XKR6: variants seen among roughly 807,000 people sequenced by gnomAD.
XKR6 encodes XK-related protein 6.
XKR6 carries 22 observed loss-of-function variants against 56.7 expected under a neutral mutation model. The observed-to-expected ratio is 0.39, with a 90% CI of 0.28 to 0.55. The LOEUF (loss-of-function observed/expected upper bound fraction) is 0.55. Among genes scored for constraint, XKR6 ranks in the 20% least tolerant of loss-of-function variants. The pLI is 0.66. For missense variants in XKR6, 852 were observed against 889.0 expected, an observed-to-expected ratio of 0.96 and a Z score of 0.53; for synonymous variants, 524 against 387.8, an observed-to-expected ratio of 1.35 and a Z score of -4.13.
At chr8:11,123,545 C>T (rs771831310) in intron 1 of XKR6, 1 of 262,440 alleles carries the variant, frequency 3.8e-6, no homozygotes, top group Non-Finnish European at 7.5e-6. Flanking sequence ...ACAATATCAT[C>T]ACCAACCTCA....
chr8:10,997,823 G>A (rs550246408), intron 1 of XKR6, among the ~76,000 whole-genome samples: 41 of 152,254 alleles, frequency 2.7e-4, no homozygotes, highest in Admixed American at 5.9e-4. Flanking sequence ...CACAAGCAGC[G>A]CTGCCTGGAA....
chr8:11,021,571 C>T (rs1032830847), intron 1 of XKR6, among the ~76,000 whole-genome samples: 7 of 152,128 alleles, frequency 4.6e-5, no homozygotes, highest in African/African-American at 1.7e-4. Context: ...ACAGACCCAG[C>T]TCAGAGAGCA....
chr8:11,114,865 G>A (rs951716007), intron 1 of XKR6, among the ~76,000 whole-genome samples: 7 of 151,674 alleles, frequency 4.6e-5, no homozygotes, highest in Admixed American at 2.6e-4. Flanking sequence ...ACAACTCTTG[G>A]TTCCAATAGC....
At chr8:10,984,732 C>CTCTCTATATATATATATATATATA in intron 1 of XKR6, among the ~76,000 whole-genome samples, 71 of 47,434 alleles carry the variant, frequency 1.5e-3, no homozygotes, top group Non-Finnish European at 2.7e-3. Flanking sequence ...CTCTCTCTCT[C>CTCTCTATATATATATATATATATA]TATATATATA....
chr8:11,200,730 G>T lies in XKR6; in HGVS notation c.610C>A (p.Pro204Thr). 3 of 1,591,112 alleles carry T rather than the reference G, an allele frequency of 1.9e-6. No individual in the cohort carries two copies. Among genetic ancestry groups the T allele is most frequent in the Non-Finnish European group, 2.6e-6 (3 of 1,172,068 alleles). The change falls in exon 1 of 3, where the codon CCC (proline) becomes ACC (threonine). Residue 204 changes from proline (P) to threonine (T), a missense_variant. Pro to Thr is a conservative substitution (Grantham distance 38). Coordinates refer to ENST00000416569, the MANE Select transcript of XKR6 (RefSeq NM_173683.4). The surrounding 1 kb of genome is among the most constrained non-coding windows in gnomAD (Gnocchi z 6.4). ...ACGTAGCCGGCCCCCATCATGGGGGGGCCCCGGCTGGTGAGCCCCTCCACG... is the reference window on the plus strand; with the variant it reads ...ACGTAGCCGGCCCCCATCATGGGGGTGCCCCGGCTGGTGAGCCCCTCCACG... ...GAVEGLTSRGPPMMGAGYVHG... is the reference protein window; with the variant it reads ...GAVEGLTSRGTPMMGAGYVHG...
At chr8:11,042,845 A>T (rs984031936) in intron 1 of XKR6, among the ~76,000 whole-genome samples, 1 of 152,194 alleles carries the variant, frequency 6.6e-6, no homozygotes, top group Non-Finnish European at 1.5e-5. Context: ...CCTTGGCAGA[A>T]ATGGGGAAGG....
chr8:10,931,516 A>G (rs1237600888), intron 1 of XKR6, among the ~76,000 whole-genome samples: 2 of 152,224 alleles, frequency 1.3e-5, no homozygotes, highest in Non-Finnish European at 2.9e-5. Flanking sequence ...TTTAGGATTT[A>G]CTATAAAGCT....
intron 1 of XKR6, among the ~76,000 whole-genome samples, chr8:11,186,247 CTATCCACCAAAA>C (rs1233049732): frequency 6.6e-6 from 1 of 152,174 alleles, no homozygotes; most frequent in Non-Finnish European, 1.5e-5. Context: ...CTTTGAGTCT[CTATCCACCAAAA>C]TGCAGTCTAC....
At chr8:11,018,258 T>A (rs765107748) in intron 1 of XKR6, among the ~76,000 whole-genome samples, 1 of 143,666 alleles carries the variant, frequency 7.0e-6, no homozygotes, top group African/African-American at 2.6e-5. Context: ...CTGGTTACCA[T>A]AGCGACCTCA....
chr8:10,953,590 A>C (rs1801793006), intron 1 of XKR6, among the ~76,000 whole-genome samples: 1 of 152,186 alleles, frequency 6.6e-6, no homozygotes, highest in Non-Finnish European at 1.5e-5. Flanking sequence ...CCAGCCCTAC[A>C]TTATTATATT....
In XKR6 at chr8:10,963,492, C is replaced by T. The variant is rs373624302; in HGVS notation, c.765-38662G>A. ...CAGACAATCCGGGCAGGAATTTTTG[C>T]TCAGAGTGAATCCACAGTGCCTCGA... On this transcript the variant is annotated intron_variant, in intron 1 of 2. Coordinates refer to ENST00000416569, the MANE Select transcript of XKR6 (RefSeq NM_173683.4). Among the ~76,000 whole-genome samples, 479 of 152,164 alleles carry T rather than the reference C, an allele frequency of 3.1e-3. 1 individual carries two copies. The highest frequency in any genetic ancestry group is 0.011 in the African/African-American group (460 of 41,498).
intron 1 of XKR6, among the ~76,000 whole-genome samples, chr8:11,038,859 A>T (rs1288324730): frequency 2.0e-5 from 3 of 152,066 alleles, no homozygotes; most frequent in African/African-American, 7.2e-5. Context: ...GCATGTAATA[A>T]ATTTAAGTGA....
At chr8:11,015,694 CAGA>C (rs1798603214) in intron 1 of XKR6, among the ~76,000 whole-genome samples, 2 of 152,120 alleles carry the variant, frequency 1.3e-5, no homozygotes, top group African/African-American at 2.4e-5. Context: ...AGCTCAGAAC[CAGA>C]AGGAGCGAGG....
chr8:11,002,410 G>T (rs941512180), intron 1 of XKR6: 10 of 399,452 alleles, frequency 2.5e-5, no homozygotes, highest in Non-Finnish European at 4.8e-5. Flanking sequence ...TTGGCCTGGG[G>T]GAGGCCCGCG....
At chr8:10,995,946 T>C (rs1447575082) in intron 1 of XKR6, among the ~76,000 whole-genome samples, 7 of 152,164 alleles carry the variant, frequency 4.6e-5, no homozygotes, top group African/African-American at 1.7e-4. Flanking sequence ...GCCCATGACC[T>C]TGGGCAAGCC....
At chr8:10,955,541 G>A (rs1234918189) in intron 1 of XKR6, among the ~76,000 whole-genome samples, 1 of 152,154 alleles carries the variant, frequency 6.6e-6, no homozygotes, top group Admixed American at 6.5e-5. Flanking sequence ...ATGGGTCTAA[G>A]TGGGTCGTAT....
chr8:10,899,611 C>T (rs1319501000), intron 2 of XKR6, among the ~76,000 whole-genome samples: 4 of 152,246 alleles, frequency 2.6e-5, no homozygotes, highest in South Asian at 4.1e-4. Context: ...TTTTTCCAAC[C>T]GACTGCTGCT....
chr8:10,903,701 G>A (rs552661097), intron 2 of XKR6, among the ~76,000 whole-genome samples: 4 of 152,292 alleles, frequency 2.6e-5, no homozygotes, highest in East Asian at 3.9e-4. Flanking sequence ...ATGACCACAT[G>A]AGGACACAGC....
intron 1 of XKR6, among the ~76,000 whole-genome samples, chr8:11,075,287 A>C (rs1243084033): frequency 2.0e-5 from 3 of 152,128 alleles, no homozygotes; most frequent in African/African-American, 7.2e-5. Context: ...ACCGACAAAG[A>C]GCCTGGACTT....
Sources: gnomAD v4.1 joint callset for allele counts (sites outside exome capture counted in the v4.1 genomes callset) on GRCh38, gnomAD v4.1.1 for gene constraint, Gnocchi (gnomAD v3.1) non-coding constraint, MANE v1.5 for transcripts, NCBI Gene and HGNC (gene_info 2026-07-23, HGNC 2026-07-21) for gene names.